Variants in KLHL7 observed in about 807,000 individuals in gnomAD.
The protein encoded by KLHL7 is kelch-like protein 7.
Under a neutral mutation model 67.4 loss-of-function variants are expected in KLHL7, and 44 were observed. That is an observed-to-expected ratio of 0.65 (90% CI 0.51 to 0.84). The LOEUF (loss-of-function observed/expected upper bound fraction) is 0.84, where lower values mean the gene tolerates loss of function less well. KLHL7 is among the 40% of genes least tolerant of loss of function. KLHL7 has a pLI of 0.00. For missense variants in KLHL7, 362 were observed against 718.1 expected (o/e 0.50, Z 5.67); for synonymous variants, 252 against 243.3 (o/e 1.04, Z -0.33).
At chr7:23,128,422 T>TAAAA (rs201757686) in intron 4 of KLHL7, among the ~76,000 whole-genome samples, 16 of 116,934 alleles carry the variant, frequency 1.4e-4, no homozygotes, top group East Asian at 2.7e-4. Flanking sequence ...TCTTTGGGTT[T>TAAAA]AAAAAAAAAA....
intron 1 of KLHL7, among the ~76,000 whole-genome samples, chr7:23,109,192 C>T (rs569260406): frequency 3.9e-5 from 6 of 152,336 alleles, no homozygotes; most frequent in Admixed American, 1.3e-4. Flanking sequence ...CGCATCCCTG[C>T]CATCACTTGA....
intron 7 of KLHL7, among the ~76,000 whole-genome samples, chr7:23,162,868 T>G (rs1387939362): frequency 6.6e-6 from 1 of 152,220 alleles, no homozygotes; most frequent in African/African-American, 2.4e-5. Flanking sequence ...CTAAGAAATC[T>G]TAAAGTTTTG....
intron 5 of KLHL7, among the ~76,000 whole-genome samples, chr7:23,143,545 A>G (rs1784259397): frequency 6.6e-6 from 1 of 151,840 alleles, no homozygotes; most frequent in Admixed American, 6.6e-5. Context: ...GTTTTTTTTC[A>G]GTGCAATGTA....
intron 4 of KLHL7, among the ~76,000 whole-genome samples, chr7:23,135,806 A>G (rs907004334): frequency 3.3e-5 from 5 of 152,234 alleles, no homozygotes; most frequent in African/African-American, 1.2e-4. Context: ...AAGAATATCA[A>G]TATAAAAGAA....
intron 4 of KLHL7, among the ~76,000 whole-genome samples, chr7:23,133,784 A>G (rs1025692182): frequency 6.6e-6 from 1 of 152,154 alleles, no homozygotes; most frequent in Non-Finnish European, 1.5e-5. Context: ...TAATGCTACT[A>G]AGTTTTGTAT....
chr7:23,125,648 A>T, intron 4 of KLHL7: 1 of 1,297,498 alleles, frequency 7.7e-7, no homozygotes, highest in Non-Finnish European at 1.0e-6. Context: ...ACATTGTCAA[A>T]ATGCTGTTTT....
chr7:23,124,038 A>G (rs183165767), intron 2 of KLHL7, among the ~76,000 whole-genome samples, 159 bp downstream of exon 2: 3 of 152,118 alleles, frequency 2.0e-5, no homozygotes, highest in Admixed American at 6.6e-5. Context: ...TAACCAAAGG[A>G]AAAAATGTCC....
chr7:23,138,918 T>C (rs1784082875), intron 4 of KLHL7, among the ~76,000 whole-genome samples: 1 of 152,152 alleles, frequency 6.6e-6, no homozygotes, highest in Admixed American at 6.5e-5. Context: ...TCTTACGTTA[T>C]TTAAATTGTT....
At chr7:23,113,926 A>G (rs1325461872) in intron 1 of KLHL7, among the ~76,000 whole-genome samples, 1 of 152,232 alleles carries the variant, frequency 6.6e-6, no homozygotes, top group African/African-American at 2.4e-5. Flanking sequence ...TATAAATTAT[A>G]TCAGATTAGC....
At chr7:23,138,850 C>T (rs1424692074) in intron 4 of KLHL7, among the ~76,000 whole-genome samples, 1 of 152,050 alleles carries the variant, frequency 6.6e-6, no homozygotes, top group East Asian at 1.9e-4. Flanking sequence ...CTAATTAGTG[C>T]TCCAGGCTTG....
At position 23,105,908 on chromosome 7, in the gene KLHL7, G is replaced by T; in HGVS notation, c.-119G>T. ...GCCGCCTGCCGCGCGTTCCAGAGCT[G>T]GGCGCTGCAGCTGCACTGCCGATCG... On this transcript the variant is annotated 5_prime_UTR_variant, in exon 1 of 11. Coordinates refer to ENST00000339077, the MANE Select transcript of KLHL7 (RefSeq NM_001031710.3). 1 of 1,459,286 alleles carries T rather than the reference G, an allele frequency of 6.9e-7. No individual in the cohort carries two copies. The highest frequency in any genetic ancestry group is 2.4e-5 in the East Asian group (1 of 41,088). 90.4% of individuals were successfully genotyped at this position (1,459,286 alleles called of 1,614,324 possible). A position where few individuals can be genotyped will look rare whatever the true frequency, so the allele number is the denominator to read the frequency against.
chr7:23,113,065 A>T (rs945147121), intron 1 of KLHL7, among the ~76,000 whole-genome samples: 9 of 151,782 alleles, frequency 5.9e-5, no homozygotes, highest in African/African-American at 1.9e-4. Flanking sequence ...GAAAGAGGGG[A>T]TTGATAGTAG....
intron 1 of KLHL7, among the ~76,000 whole-genome samples, chr7:23,122,012 A>T (rs560486495): frequency 2.0e-5 from 3 of 152,246 alleles, no homozygotes; most frequent in African/African-American, 7.2e-5. Context: ...TTATCAGTCT[A>T]TTGTAGTATA....
At chr7:23,167,263 C>T (rs1337863487) in intron 8 of KLHL7, among the ~76,000 whole-genome samples, 1 of 151,992 alleles carries the variant, frequency 6.6e-6, no homozygotes, top group Non-Finnish European at 1.5e-5. Context: ...AATCAAAATA[C>T]ATCAGAAATA....
At chr7:23,141,727 A>G (rs971465584) in intron 5 of KLHL7, among the ~76,000 whole-genome samples, 24 of 151,848 alleles carry the variant, frequency 1.6e-4, no homozygotes, top group African/African-American at 5.8e-4. Context: ...AGTTCACGCC[A>G]TTCTCCTGCC....
chr7:23,171,609 A>C (rs1174131888), intron 9 of KLHL7, among the ~76,000 whole-genome samples: 2 of 152,362 alleles, frequency 1.3e-5, no homozygotes, highest in East Asian at 3.9e-4. Flanking sequence ...TGACTGTCAA[A>C]CCATTTTTAA....
intron 7 of KLHL7, among the ~76,000 whole-genome samples, chr7:23,160,048 G>A (rs1434627770): frequency 6.6e-6 from 1 of 152,010 alleles, no homozygotes; most frequent in Non-Finnish European, 1.5e-5. Flanking sequence ...TTCATCTTCT[G>A]AACTCTTCCA....
intron 7 of KLHL7, among the ~76,000 whole-genome samples, chr7:23,164,882 T>C (rs1784954688): frequency 6.6e-6 from 1 of 152,234 alleles, no homozygotes; most frequent in Non-Finnish European, 1.5e-5. Flanking sequence ...CTGACCCTGA[T>C]TATTTTCAGA....
intron 1 of KLHL7, among the ~76,000 whole-genome samples, chr7:23,114,411 T>C (rs1434678159): frequency 1.3e-5 from 2 of 152,220 alleles, no homozygotes; most frequent in Admixed American, 6.5e-5. Context: ...CAAAAGTGCA[T>C]CTTCTTATGT....
Sources: allele counts gnomAD v4.1 joint callset (sites outside exome capture counted in the v4.1 genomes callset), GRCh38; gene constraint gnomAD v4.1.1; transcripts MANE v1.5; gene names NCBI Gene and HGNC (gene_info 2026-07-23, HGNC 2026-07-21).